Variants in CSTPP1 observed in about 807,000 individuals in gnomAD.
CSTPP1 encodes the protein UPF0705 protein C11orf49.
At chr11:47,162,607 A>ACAGACACAGCCTGGGG in the CSTPP1 span, among the ~76,000 whole-genome samples, 35 of 152,270 alleles carry the variant, frequency 2.3e-4, no homozygotes, top group Admixed American at 1.4e-3. Context: ...TGAAAGACAG[A>ACAGACACAGCCTGGGG]CAGACACAGC....
chr11:47,077,367 T>C, the CSTPP1 span, among the ~76,000 whole-genome samples: 2 of 151,918 alleles, frequency 1.3e-5, no homozygotes, highest in Non-Finnish European at 2.9e-5. Flanking sequence ...ACCCAGCTAA[T>C]TTTTTGTATT....
the CSTPP1 span, among the ~76,000 whole-genome samples, chr11:47,036,923 C>T: frequency 7.9e-6 from 1 of 126,614 alleles, no homozygotes; most frequent in African/African-American, 2.5e-5. Context: ...TCTGGTGATC[C>T]GCCCACCTCG....
the CSTPP1 span, among the ~76,000 whole-genome samples, chr11:46,955,988 C>A: frequency 4.1e-4 from 4 of 9,644 alleles, no homozygotes. Flanking sequence ...CTCCATCCAC[C>A]CCCCCCCCCC....
At chr11:47,069,312 T>C in the CSTPP1 span, among the ~76,000 whole-genome samples, 7 of 152,212 alleles carry the variant, frequency 4.6e-5, no homozygotes, top group Non-Finnish European at 1.0e-4. Flanking sequence ...TCAAATGTTC[T>C]AGCCATTATC....
the CSTPP1 span, among the ~76,000 whole-genome samples, chr11:47,033,912 G>C: frequency 1.3e-5 from 2 of 152,034 alleles, no homozygotes; most frequent in African/African-American, 4.8e-5. Flanking sequence ...CTTTGGTGTT[G>C]AACTCATGGG....
the CSTPP1 span, among the ~76,000 whole-genome samples, chr11:47,060,752 C>T: frequency 6.6e-6 from 1 of 152,074 alleles, no homozygotes; most frequent in Non-Finnish European, 1.5e-5. Context: ...ACTAAAGAAC[C>T]TACTCATGTA....
chr11:47,144,137 A>G, the CSTPP1 span, among the ~76,000 whole-genome samples: 1 of 152,362 alleles, frequency 6.6e-6, no homozygotes, highest in South Asian at 2.1e-4. Flanking sequence ...GTAAGATTTC[A>G]GTAACACCAA....
the CSTPP1 span, among the ~76,000 whole-genome samples, chr11:47,108,590 T>C: frequency 2.6e-5 from 4 of 151,880 alleles, no homozygotes; most frequent in Admixed American, 1.3e-4. Flanking sequence ...ACCTCACAGC[T>C]GTGTGAGAAG....
chr11:47,016,698 G>A, the CSTPP1 span, among the ~76,000 whole-genome samples: 1 of 152,156 alleles, frequency 6.6e-6, no homozygotes, highest in Non-Finnish European at 1.5e-5. Context: ...CAGGCAGACA[G>A]GAGGGAGGAA....
At chr11:46,977,599 C>G in the CSTPP1 span, among the ~76,000 whole-genome samples, 5 of 152,188 alleles carry the variant, frequency 3.3e-5, no homozygotes, top group Admixed American at 6.5e-5. Flanking sequence ...CACAACAGAA[C>G]CTTTGTTAGG....
the CSTPP1 span, among the ~76,000 whole-genome samples, chr11:46,939,631 C>CATAGATAGATAGATAG: frequency 8.6e-6 from 1 of 116,852 alleles, no homozygotes; most frequent in African/African-American, 2.8e-5. Flanking sequence ...CTCTAAAATG[C>CATAGATAGATAGATAG]ATAGATAGAT....
the CSTPP1 span, chr11:47,157,306 G>A: frequency 1.6e-5 from 22 of 1,397,032 alleles, no homozygotes; most frequent in African/African-American, 5.9e-5. Context: ...GATGTTCTGC[G>A]CGGCCCAGGC....
chr11:47,019,308 G>A, the CSTPP1 span, among the ~76,000 whole-genome samples: 2 of 152,316 alleles, frequency 1.3e-5, no homozygotes, highest in East Asian at 1.9e-4. Flanking sequence ...ACCGCACCTG[G>A]CCTGGAATGT....
chr11:47,104,953 G>A, the CSTPP1 span, among the ~76,000 whole-genome samples: 1 of 152,174 alleles, frequency 6.6e-6, no homozygotes, highest in Non-Finnish European at 1.5e-5. Flanking sequence ...CAGAATCTGG[G>A]GTGGGAATTC....
chr11:46,958,236 GT>G, the CSTPP1 span, among the ~76,000 whole-genome samples: 3 of 151,958 alleles, frequency 2.0e-5, no homozygotes, highest in African/African-American at 2.4e-5. Context: ...CTGGCTTCAA[GT>G]GATTCTCCTG....
the CSTPP1 span, among the ~76,000 whole-genome samples, chr11:46,954,614 A>C: frequency 6.6e-6 from 1 of 152,076 alleles, no homozygotes; most frequent in Non-Finnish European, 1.5e-5. Flanking sequence ...AGAGCGCAAA[A>C]TTCCACTTCT....
the CSTPP1 span, among the ~76,000 whole-genome samples, chr11:47,073,217 T>G: frequency 6.6e-6 from 1 of 152,162 alleles, no homozygotes; most frequent in African/African-American, 2.4e-5. Flanking sequence ...TACTAGAAAT[T>G]ATGAGATATA....
At chr11:47,152,689 C>T in the CSTPP1 span, among the ~76,000 whole-genome samples, 1 of 152,114 alleles carries the variant, frequency 6.6e-6, no homozygotes, top group African/African-American at 2.4e-5. Flanking sequence ...CTGAATTGTA[C>T]GCTTTTAAAG....
chr11:47,035,213 A>G, the CSTPP1 span, among the ~76,000 whole-genome samples: 2 of 152,222 alleles, frequency 1.3e-5, no homozygotes, highest in Non-Finnish European at 2.9e-5. Context: ...AGGCCAAACC[A>G]CAGCTGCAGA....
Sources: allele counts gnomAD v4.1 joint callset (sites outside exome capture counted in the v4.1 genomes callset), GRCh38; gene constraint gnomAD v4.1.1; transcripts MANE v1.5; gene names NCBI Gene and HGNC (gene_info 2026-07-23, HGNC 2026-07-21).